TMEFF1: variants seen among roughly 807,000 people sequenced by gnomAD.
TMEFF1 encodes the protein tomoregulin-1.
Under a neutral mutation model 47.5 loss-of-function variants are expected in TMEFF1, and 20 were observed. That is an observed-to-expected ratio of 0.42 (90% CI 0.30 to 0.61). The LOEUF (loss-of-function observed/expected upper bound fraction) is 0.61, where lower values mean the gene tolerates loss of function less well. Ranked by LOEUF, TMEFF1 falls within the 20% of genes least tolerant of loss-of-function variation. The pLI, the probability that TMEFF1 is intolerant of heterozygous loss-of-function variation, is 0.19. For missense variants in TMEFF1, 411 were observed against 471.1 expected (o/e 0.87, Z 1.18); for synonymous variants, 162 against 166.3 (o/e 0.97, Z 0.20).
In TMEFF1 at chr9:100,499,727, A is replaced by G. The variant is rs558819132; in HGVS notation, c.306+853A>G. Among the ~76,000 whole-genome samples, 68 of 152,324 alleles carry G rather than the reference A, an allele frequency of 4.5e-4. 1 individual carries two copies. In the South Asian group the frequency reaches 5.4e-3, roughly 12 times the overall value. On this transcript the variant is annotated intron_variant, in intron 2 of 9. Transcript: ENST00000374879. ...CTTGGCATCAGTATTCTATCTGAAA[A>G]GTGAAGGCACGTTTCCTACCCTTAC...
Position 100,576,671 on chromosome 9 carries a change from T to TAA in TMEFF1, c.*72_*73insAA. On this transcript the variant is annotated 3_prime_UTR_variant, in exon 10 of 10. Transcript: ENST00000374879. ...TATGTCTTTTTTTAAAGAATGGAAA[T>TAA]ATTTATTTCAGAGGCCTTATTTTTG... 6.5e-7 allele frequency: 1 copy of TAA among 1,537,256 alleles called. No individual in the cohort carries two copies. Among genetic ancestry groups the TAA allele is most frequent in the Non-Finnish European group, 8.7e-7 (1 of 1,143,568 alleles).
intron 5 of TMEFF1, among the ~76,000 whole-genome samples, chr9:100,527,142 T>TAA (rs201295733): frequency 7.1e-6 from 1 of 141,532 alleles, no homozygotes; most frequent in Non-Finnish European, 1.6e-5. Context: ...AACTCTGTCT[T>TAA]AAAAAAAAAA....
intron 5 of TMEFF1, among the ~76,000 whole-genome samples, chr9:100,527,821 C>A (rs1346545801): frequency 6.6e-6 from 1 of 152,240 alleles, no homozygotes; most frequent in African/African-American, 2.4e-5. Context: ...GCAGTAACCT[C>A]TGCAGACTTA....
intron 8 of TMEFF1, among the ~76,000 whole-genome samples, chr9:100,571,216 C>T (rs749920774): frequency 2.6e-5 from 4 of 152,002 alleles, no homozygotes; most frequent in Non-Finnish European, 5.9e-5. Flanking sequence ...AATGTTTATA[C>T]CTATTTTTTC....
chr9:100,574,520 C>T (rs1298026232), intron 9 of TMEFF1, among the ~76,000 whole-genome samples: 1 of 151,902 alleles, frequency 6.6e-6, no homozygotes, highest in Non-Finnish European at 1.5e-5. Flanking sequence ...TACAGGCATG[C>T]GCCACCATGC....
chr9:100,490,053 G>A (rs963030509), intron 1 of TMEFF1, among the ~76,000 whole-genome samples: 1 of 151,974 alleles, frequency 6.6e-6, no homozygotes, highest in Non-Finnish European at 1.5e-5. Flanking sequence ...GCAGGAGTGG[G>A]GGTGGAGGAT....
At chr9:100,572,250 C>T (rs1183630965) in intron 8 of TMEFF1, among the ~76,000 whole-genome samples, 1 of 151,868 alleles carries the variant, frequency 6.6e-6, no homozygotes, top group Non-Finnish European at 1.5e-5. Context: ...AAAGCAAAAG[C>T]AACAATAACA....
intron 1 of TMEFF1, among the ~76,000 whole-genome samples, chr9:100,475,963 G>C (rs559892623): frequency 6.6e-6 from 1 of 152,160 alleles, no homozygotes; most frequent in South Asian, 2.1e-4. Flanking sequence ...TGATCTAGGG[G>C]TCATGGTCCT....
chr9:100,487,853 A>G (rs1266155100), intron 1 of TMEFF1, among the ~76,000 whole-genome samples: 1 of 152,132 alleles, frequency 6.6e-6, no homozygotes, highest in African/African-American at 2.4e-5. Context: ...TACTTAATCA[A>G]ATAATTGGAA....
At chr9:100,537,730 T>C (rs1432849204) in intron 5 of TMEFF1, among the ~76,000 whole-genome samples, 1 of 152,178 alleles carries the variant, frequency 6.6e-6, no homozygotes, top group Admixed American at 6.5e-5. Context: ...GTGCACATGT[T>C]TTCACCCACG....
At chr9:100,506,627 C>T (rs1252392667) in intron 2 of TMEFF1, among the ~76,000 whole-genome samples, 2 of 151,596 alleles carry the variant, frequency 1.3e-5, no homozygotes, top group Non-Finnish European at 2.9e-5. Context: ...ATTAGCCGGA[C>T]GTGGTGGCGG....
At chr9:100,540,368 G>A (rs1480578831) in intron 5 of TMEFF1, among the ~76,000 whole-genome samples, 12 of 152,208 alleles carry the variant, frequency 7.9e-5, no homozygotes, top group South Asian at 2.1e-4. Context: ...AAGCCCAGCC[G>A]GCTTCACCTC....
intron 8 of TMEFF1, among the ~76,000 whole-genome samples, chr9:100,571,386 T>C (rs541186960): frequency 6.6e-6 from 1 of 152,318 alleles, no homozygotes; most frequent in East Asian, 1.9e-4. Context: ...AGCTATATTA[T>C]AGTCACTGGA....
intron 5 of TMEFF1, among the ~76,000 whole-genome samples, chr9:100,531,282 A>C (rs1289292623): frequency 6.6e-6 from 1 of 152,222 alleles, no homozygotes; most frequent in Non-Finnish European, 1.5e-5. Flanking sequence ...AATTAGGAAA[A>C]GAGGAAGTCA....
chr9:100,510,489 A>G (rs1378777851), intron 3 of TMEFF1, among the ~76,000 whole-genome samples: 1 of 152,128 alleles, frequency 6.6e-6, no homozygotes, highest in Non-Finnish European at 1.5e-5. Flanking sequence ...TTTCTTTATG[A>G]GACTGCATCT....
intron 8 of TMEFF1, among the ~76,000 whole-genome samples, chr9:100,567,206 A>G (rs1173231217): frequency 1.3e-5 from 2 of 152,142 alleles, no homozygotes; most frequent in African/African-American, 2.4e-5. Flanking sequence ...CCATGCATGC[A>G]TGGATGCTCC....
chr9:100,561,671 G>T, intron 8 of TMEFF1, 151 bp downstream of exon 8: 1 of 1,213,240 alleles, frequency 8.2e-7, no homozygotes, highest in Non-Finnish European at 1.0e-6. Context: ...GCATCATTTG[G>T]AAAAAAAAAC....
intron 1 of TMEFF1, among the ~76,000 whole-genome samples, chr9:100,484,832 T>C (rs3983768): frequency 0.12 from 17,901 of 151,380 alleles, 1,183 homozygotes; most frequent in Middle Eastern, 0.19. Flanking sequence ...TGCCTGTCAC[T>C]GCGCCTGGCT....
At chr9:100,486,132 T>C (rs2118264607) in intron 1 of TMEFF1, among the ~76,000 whole-genome samples, 1 of 152,198 alleles carries the variant, frequency 6.6e-6, no homozygotes, top group Non-Finnish European at 1.5e-5. Flanking sequence ...ATAAGAGCAG[T>C]ATATAATCTG....
Sources: gnomAD v4.1 joint callset for allele counts (sites outside exome capture counted in the v4.1 genomes callset) on GRCh38, gnomAD v4.1.1 for gene constraint, MANE v1.5 for transcripts, NCBI Gene and HGNC (gene_info 2026-07-23, HGNC 2026-07-21) for gene names.